Variants in MCF2L observed in about 807,000 individuals in gnomAD.
MCF2L encodes MCF.2 cell line derived transforming sequence like.
Under a neutral mutation model 153.4 loss-of-function variants are expected in MCF2L, and 97 were observed. The ratio of observed to expected loss-of-function variants is 0.63; its 90% CI spans 0.54 to 0.75. MCF2L has a LOEUF of 0.75. MCF2L is among the 30% of genes least tolerant of loss of function. The pLI, the probability that MCF2L is intolerant of heterozygous loss-of-function variation, is 0.00. For missense variants in MCF2L, 1,347 were observed against 1,495.2 expected (o/e 0.90, Z 1.64); for synonymous variants, 659 against 632.2 (o/e 1.04, Z -0.64).
At position 113,045,646 on chromosome 13, in the gene MCF2L, C is replaced by T; in HGVS notation, c.369+285C>T. On this transcript the variant is annotated intron_variant, in intron 4 of 29. Coordinates refer to ENST00000535094, the MANE Select transcript of MCF2L (RefSeq NM_001112732.3). The surrounding 1 kb of genome is among the most constrained non-coding windows in gnomAD (Gnocchi z 4.2). The stretch of plus-strand genomic sequence containing the variant: ...GCCCATATGTTTCCGAACACCAAGT[C>T]TGAGATGCTCGGGACTGAATATGCC... 2.0e-6 allele frequency: 1 copy of T among 503,074 alleles called. No homozygotes were observed. The highest frequency in any genetic ancestry group is 3.6e-6 in the Non-Finnish European group (1 of 277,846). 31.2% of individuals were successfully genotyped at this position (503,074 alleles called of 1,614,324 possible). A position where few individuals can be genotyped will look rare whatever the true frequency, so the allele number is the denominator to read the frequency against.
chr13:113,074,995 C>T lies in MCF2L; in HGVS notation c.1117-3C>T. On this transcript the variant is annotated splice_region_variant and splice_polypyrimidine_tract_variant and intron_variant, in intron 10 of 29. Coordinates refer to ENST00000535094, the MANE Select transcript of MCF2L (RefSeq NM_001112732.3). The surrounding 1 kb of genome is among the most constrained non-coding windows in gnomAD (Gnocchi z 4.2). ...AGCTGGTCCTCTGGGTGGCCGTCCA[C>T]AGGTGGCCGTGGAGAGGGCCCGGGC... 1 of 1,595,536 alleles carries T rather than the reference C, an allele frequency of 6.3e-7. No homozygotes were observed.
In MCF2L at chr13:113,065,057, C is replaced by T. The variant is rs376965246; in HGVS notation, c.728C>T (p.Ala243Val). Residue 243 changes from alanine (A) to valine (V), a missense_variant, in exon 7 of 30, where the codon GCG (alanine) becomes GTG (valine). Transcript: ENST00000535094. ...DVQSTSSVLC[A>V]HTEKKDKAKE... is the part of the protein sequence containing the mutation. ...CAGTCGACAAGCTCAGTGCTGTGTG[C>T]GCACACAGAGAAGAAGGACAAGGCG... The T allele has an allele frequency of 5.6e-6, 9 of 1,609,762 alleles. No individual in the cohort carries two copies. The highest frequency in any genetic ancestry group is 5.4e-5 in the African/African-American group (4 of 73,522).
Position 113,027,949 on chromosome 13 carries a change from G to A in MCF2L, c.278+3191G>A, listed in dbSNP as rs370967739. ...CAGGCCTTTGTCTGTCACCTGCACA[G>A]GAGGAAGGGCCTGTGTCCCAGGGGA... On this transcript the variant is annotated intron_variant, in intron 3 of 29. Coordinates refer to ENST00000535094, the MANE Select transcript of MCF2L (RefSeq NM_001112732.3). The surrounding 1 kb of genome is among the most constrained non-coding windows in gnomAD (Gnocchi z 4.8). Among the ~76,000 whole-genome samples, 19 of 152,324 alleles carry A rather than the reference G, an allele frequency of 1.2e-4. No homozygotes were observed. Among genetic ancestry groups the A allele is most frequent in the Admixed American group, 8.5e-4 (13 of 15,306 alleles).
At chr13:113,042,776 TG>T (rs1042929522) in intron 3 of MCF2L, 2 of 152,148 alleles carry the variant, frequency 1.3e-5, no homozygotes, top group African/African-American at 4.8e-5. Flanking sequence ...TGGCTATAAC[TG>T]GATGTGTTTG....
intron 1 of MCF2L, chr13:113,008,817 G>A (rs2993292): frequency 0.56 from 84,683 of 152,100 alleles, 23,914 homozygotes; most frequent in East Asian, 0.81. Context: ...TGATCTGTTG[G>A]GGTCTAGGCA....
intron 1 of MCF2L, among the ~76,000 whole-genome samples, chr13:112,987,910 A>C (rs1237366834): frequency 6.6e-6 from 1 of 152,254 alleles, no homozygotes; most frequent in African/African-American, 2.4e-5. Flanking sequence ...GGACAGCCTC[A>C]TCCAAGCAAC....
chr13:112,894,890 G>A (rs1050817252), intron 1 of MCF2L, among the ~76,000 whole-genome samples: 1 of 130,118 alleles, frequency 7.7e-6, no homozygotes, highest in African/African-American at 2.7e-5. Flanking sequence ...AGGGCTGGAG[G>A]GAAGGGTAGC....
intron 26 of MCF2L, among the ~76,000 whole-genome samples, chr13:113,091,596 C>T (rs946905230): frequency 1.3e-5 from 2 of 150,480 alleles, no homozygotes; most frequent in Admixed American, 6.7e-5. Context: ...CTGCTGGGAA[C>T]ACAGAGCATA....
Position 113,084,016 on chromosome 13 carries a change from G to A in MCF2L, c.2010G>A (p.Leu670=). 1.2e-6 allele frequency: 2 copies of A among 1,613,904 alleles called. No homozygotes were observed. The highest frequency in any genetic ancestry group is 1.7e-6 in the Non-Finnish European group (2 of 1,179,796). The stretch of plus-strand genomic sequence containing the variant: ...TGTCTAGGATATTCCTCAGGGAGCT[G>A]GAAAACTACACTGACTGCCCAGAAC... The part of the protein sequence containing the change: ...HFHNRIFLRE[L]ENYTDCPELV... Residue 670 remains leucine, a synonymous_variant, in exon 18 of 30, where the codon CTG becomes CTA. Transcript: ENST00000535094.
chr13:113,094,994 C>A lies in MCF2L; in HGVS notation c.3075+359C>A, dbSNP rs767366576. 2.2e-6 allele frequency: 3 copies of A among 1,378,114 alleles called. No homozygotes were observed. In the Admixed American group the frequency reaches 5.7e-5, roughly 26 times the overall value. 85.4% of individuals were successfully genotyped at this position (1,378,114 alleles called of 1,614,324 possible). On this transcript the variant is annotated intron_variant, in intron 27 of 29. Transcript: ENST00000535094. Reference sequence around the variant, plus strand: ...GTGCCCACCCAGCCTCCTGTAGAGCCCACTCGTGGGTGCACCTTCCTCAGA... The same window carrying A: ...GTGCCCACCCAGCCTCCTGTAGAGCACACTCGTGGGTGCACCTTCCTCAGA...
At chr13:112,895,882 C>T (rs542678706) in intron 1 of MCF2L, among the ~76,000 whole-genome samples, 1 of 152,124 alleles carries the variant, frequency 6.6e-6, no homozygotes, top group African/African-American at 2.4e-5. Flanking sequence ...CCCGATTTCA[C>T]CGGGCTGTGT....
At chr13:112,952,482 A>G (rs1030600757) in intron 2 of MCF2L, among the ~76,000 whole-genome samples, 8 of 152,172 alleles carry the variant, frequency 5.3e-5, no homozygotes. Flanking sequence ...GTTTTCTTCA[A>G]ATGTTTGGGT....
chr13:112,978,779 G>A (rs1025621448), intron 1 of MCF2L, among the ~76,000 whole-genome samples: 2 of 152,260 alleles, frequency 1.3e-5, no homozygotes, highest in Admixed American at 6.5e-5. Flanking sequence ...AGGCCTGAGC[G>A]CCAGCCCTGC....
Position 113,098,018 on chromosome 13 carries a change from C to G in MCF2L, c.*1159C>G, listed in dbSNP as rs2035778984. On this transcript the variant is annotated 3_prime_UTR_variant, in exon 30 of 30. Transcript: ENST00000535094. ...TTGTGTTTCAGAAACATATTCTGTT[C>G]AAAACTTTTGAAGCCCTTTCGGTGT... 6.6e-6 allele frequency: 1 copy of G among 152,282 alleles called. No homozygotes were observed. The highest frequency in any genetic ancestry group is 1.5e-5 in the Non-Finnish European group (1 of 68,044). 9.4% of individuals were successfully genotyped at this position (152,282 alleles called of 1,614,324 possible).
chr13:112,971,326 C>T (rs2082031614), intron 1 of MCF2L, among the ~76,000 whole-genome samples: 6 of 152,136 alleles, frequency 3.9e-5, no homozygotes, highest in African/African-American at 7.2e-5. Context: ...CACTCTTCAG[C>T]GGGAGGTCAT....
intron 26 of MCF2L, 87 bp downstream of exon 26, chr13:113,089,815 T>G: frequency 6.2e-7 from 1 of 1,607,656 alleles, no homozygotes; most frequent in Non-Finnish European, 8.5e-7. Flanking sequence ...AAACCTGCGC[T>G]TCCTGCAGTG....
At chr13:112,952,580 T>C (rs916719846) in intron 2 of MCF2L, among the ~76,000 whole-genome samples, 1 of 152,230 alleles carries the variant, frequency 6.6e-6, no homozygotes, top group African/African-American at 2.4e-5. Context: ...CTTCTCCTTA[T>C]CTTTTCAATA....
chr13:112,976,374 A>G (rs1346510231), intron 1 of MCF2L, among the ~76,000 whole-genome samples: 1 of 152,232 alleles, frequency 6.6e-6, no homozygotes, highest in Non-Finnish European at 1.5e-5. Context: ...AATATATTAG[A>G]GATGGTGAGC....
chr13:113,011,934 G>A (rs1375105252), intron 1 of MCF2L, among the ~76,000 whole-genome samples: 1 of 111,952 alleles, frequency 8.9e-6, no homozygotes, highest in Middle Eastern at 6.0e-3. Flanking sequence ...TGGACAGGCG[G>A]TGTGGATGGT....
Sources: gnomAD v4.1 joint callset for allele counts (sites outside exome capture counted in the v4.1 genomes callset) on GRCh38, gnomAD v4.1.1 for gene constraint, Gnocchi (gnomAD v3.1) non-coding constraint, MANE v1.5 for transcripts, NCBI Gene and HGNC (gene_info 2026-07-23, HGNC 2026-07-21) for gene names.